Variants in CSNK2A2IP observed in about 807,000 individuals in gnomAD.
CSNK2A2IP encodes the protein casein kinase 2 subunit alpha' interacting protein, also known as casein kinase II subunit alpha'-interacting protein.
At chr3:88,463,970 G>C in the CSNK2A2IP span, among the ~76,000 whole-genome samples, 1 of 150,646 alleles carries the variant, frequency 6.6e-6, no homozygotes, top group South Asian at 2.1e-4. Context: ...TATTATGCAT[G>C]ATAATAATAA....
the CSNK2A2IP span, among the ~76,000 whole-genome samples, chr3:88,380,640 A>G: frequency 1.3e-5 from 2 of 152,082 alleles, no homozygotes; most frequent in African/African-American, 2.4e-5. Flanking sequence ...AGGCTATAGA[A>G]TTATACTTTC....
At chr3:88,353,372 G>A in the CSNK2A2IP span, among the ~76,000 whole-genome samples, 1 of 152,176 alleles carries the variant, frequency 6.6e-6, no homozygotes, top group Non-Finnish European at 1.5e-5. Flanking sequence ...TAAGTGGATG[G>A]TATTAATAAA....
At chr3:88,447,223 G>A in the CSNK2A2IP span, among the ~76,000 whole-genome samples, 3 of 152,022 alleles carry the variant, frequency 2.0e-5, no homozygotes, top group African/African-American at 4.8e-5. Flanking sequence ...AACATAAATG[G>A]CCAAAATTTA....
chr3:88,339,650 C>T, the CSNK2A2IP span, among the ~76,000 whole-genome samples: 3 of 151,982 alleles, frequency 2.0e-5, no homozygotes, highest in African/African-American at 7.2e-5. Context: ...AACTGGTGTA[C>T]GTAAGTAATG....
the CSNK2A2IP span, among the ~76,000 whole-genome samples, chr3:88,385,348 A>C: frequency 2.0e-5 from 3 of 152,142 alleles, no homozygotes; most frequent in East Asian, 5.8e-4. Context: ...TAAGAATAAA[A>C]CAAAGAGATT....
At chr3:88,451,699 T>A in the CSNK2A2IP span, among the ~76,000 whole-genome samples, 1 of 151,294 alleles carries the variant, frequency 6.6e-6, no homozygotes, top group Non-Finnish European at 1.5e-5. Flanking sequence ...AGTTAAAATT[T>A]TTTTATATAT....
the CSNK2A2IP span, among the ~76,000 whole-genome samples, chr3:88,390,332 A>AT: frequency 6.6e-6 from 1 of 152,220 alleles, no homozygotes; most frequent in Non-Finnish European, 1.5e-5. Context: ...AGGTCATGAG[A>AT]TTTTAAAGAT....
the CSNK2A2IP span, among the ~76,000 whole-genome samples, chr3:88,368,767 A>G: frequency 6.6e-6 from 1 of 151,912 alleles, no homozygotes; most frequent in Non-Finnish European, 1.5e-5. Flanking sequence ...TTTGATCTGT[A>G]CCCCTTGAAG....
the CSNK2A2IP span, among the ~76,000 whole-genome samples, chr3:88,374,000 A>G: frequency 6.6e-6 from 1 of 151,830 alleles, no homozygotes; most frequent in Admixed American, 6.6e-5. Flanking sequence ...AAGGAACTCT[A>G]GGTATGTATG....
chr3:88,407,312 A>AAT, the CSNK2A2IP span, among the ~76,000 whole-genome samples: 1 of 148,114 alleles, frequency 6.8e-6, no homozygotes, highest in Admixed American at 6.7e-5. Flanking sequence ...AAAAAAAAAA[A>AAT]GGAGAGGGAG....
chr3:88,361,957 T>A, the CSNK2A2IP span, among the ~76,000 whole-genome samples: 2 of 152,140 alleles, frequency 1.3e-5, no homozygotes, highest in Non-Finnish European at 2.9e-5. Context: ...TTTCAATCTC[T>A]GTTTTAACTT....
chr3:88,449,874 T>TAGAGAGAGAGAGAGAGAGAGAG, the CSNK2A2IP span, among the ~76,000 whole-genome samples: 1,035 of 69,286 alleles, frequency 0.015, 22 homozygotes, highest in Non-Finnish European at 0.024. Context: ...TATATATATA[T>TAGAGAGAGAGAGAGAGAGAGAG]AGAGAGAGAG....
the CSNK2A2IP span, among the ~76,000 whole-genome samples, chr3:88,418,257 G>T: frequency 6.6e-6 from 1 of 152,068 alleles, no homozygotes; most frequent in Non-Finnish European, 1.5e-5. Context: ...AAAGCCAGTG[G>T]AATACTCATA....
At chr3:88,362,507 G>A in the CSNK2A2IP span, among the ~76,000 whole-genome samples, 2 of 152,124 alleles carry the variant, frequency 1.3e-5, no homozygotes, top group South Asian at 2.1e-4. Flanking sequence ...TGAGGGAGGG[G>A]TGGCATAGAT....
chr3:88,399,407 A>G, the CSNK2A2IP span, among the ~76,000 whole-genome samples: 1 of 152,222 alleles, frequency 6.6e-6, no homozygotes, highest in Non-Finnish European at 1.5e-5. Flanking sequence ...GAAAAGAACT[A>G]GGGTAGCCAA....
chr3:88,413,490 G>A, the CSNK2A2IP span, among the ~76,000 whole-genome samples: 5 of 151,888 alleles, frequency 3.3e-5, no homozygotes, highest in African/African-American at 1.2e-4. Context: ...GTAATGATGT[G>A]GTTTCATTGG....
At chr3:88,451,938 A>C in the CSNK2A2IP span, among the ~76,000 whole-genome samples, 6 of 151,984 alleles carry the variant, frequency 3.9e-5, no homozygotes, top group Admixed American at 2.6e-4. Flanking sequence ...AATTTTTTGA[A>C]TTGAGTTTCC....
the CSNK2A2IP span, among the ~76,000 whole-genome samples, chr3:88,435,198 C>T: frequency 6.6e-6 from 1 of 152,130 alleles, no homozygotes; most frequent in Admixed American, 6.6e-5. Flanking sequence ...AGTATCCATT[C>T]TTCCCCACCT....
At chr3:88,450,945 C>G in the CSNK2A2IP span, among the ~76,000 whole-genome samples, 5 of 152,040 alleles carry the variant, frequency 3.3e-5, no homozygotes, top group Non-Finnish European at 5.9e-5. Context: ...TTTATACTGA[C>G]TGTGTCAATC....
Sources: allele counts gnomAD v4.1 joint callset (sites outside exome capture counted in the v4.1 genomes callset), GRCh38; gene constraint gnomAD v4.1.1; transcripts MANE v1.5; gene names NCBI Gene and HGNC (gene_info 2026-07-23, HGNC 2026-07-21).